The following ADGRL3 variants were observed in gnomAD, a reference collection of about 807,000 sequenced individuals.
ADGRL3 encodes adhesion G protein-coupled receptor L3.
In ADGRL3, 62 loss-of-function variants were observed where a neutral mutation model predicts 153.5. The observed-to-expected ratio is 0.40, with a 90% confidence interval of 0.33 to 0.50. The LOEUF is 0.50. Ranked by LOEUF, ADGRL3 falls within the 20% of genes least tolerant of loss-of-function variation. The pLI is 0.47. For synonymous variants in ADGRL3, 710 were observed against 672.5 expected, an observed-to-expected ratio of 1.06 and a Z score of -0.86; for missense variants, 1,641 against 1,859.4, an observed-to-expected ratio of 0.88 and a Z score of 2.16.
At chr4:61,406,695 A>G (rs920176797) in intron 2 of ADGRL3, among the ~76,000 whole-genome samples, 1 of 152,042 alleles carries the variant, frequency 6.6e-6, no homozygotes, top group Non-Finnish European at 1.5e-5. Context: ...AATATTCCAC[A>G]TTCGTGTTTG....
intron 6 of ADGRL3, among the ~76,000 whole-genome samples, chr4:61,694,179 A>ATTTTT (rs554084495): frequency 1.5e-4 from 4 of 26,708 alleles, no homozygotes; most frequent in African/African-American, 4.5e-4. Flanking sequence ...TTTTGTCATT[A>ATTTTT]TTTTTTTTTT....
At chr4:61,261,825 A>C (rs1390691166) in intron 1 of ADGRL3, among the ~76,000 whole-genome samples, 1 of 152,170 alleles carries the variant, frequency 6.6e-6, no homozygotes, top group South Asian at 2.1e-4. Context: ...TTGACCTCTG[A>C]AAAATGCTAG....
At chr4:61,682,563 A>ATTTTTTT (rs10685495) in intron 6 of ADGRL3, among the ~76,000 whole-genome samples, 2 of 136,224 alleles carry the variant, frequency 1.5e-5, no homozygotes, top group Non-Finnish European at 3.1e-5. Context: ...CTTTAAAAAA[A>ATTTTTTT]TTTTTTTTTT....
intron 2 of ADGRL3, among the ~76,000 whole-genome samples, chr4:61,433,138 T>C (rs897389324): frequency 3.3e-5 from 5 of 152,236 alleles, no homozygotes; most frequent in Non-Finnish European, 5.9e-5. Flanking sequence ...GGGCTCATTA[T>C]ATATAAAGAC....
intron 1 of ADGRL3, among the ~76,000 whole-genome samples, chr4:61,317,488 C>A (rs561586819): frequency 3.9e-5 from 6 of 152,096 alleles, no homozygotes; most frequent in African/African-American, 1.4e-4. Flanking sequence ...AAGGGTTTTA[C>A]AGGAGAGCTG....
chr4:61,739,076 A>G (rs1370551480), intron 8 of ADGRL3, among the ~76,000 whole-genome samples: 3 of 152,244 alleles, frequency 2.0e-5, no homozygotes, highest in South Asian at 4.1e-4. Context: ...TGGTGGAAAC[A>G]TAAATCAGAA....
At chr4:61,841,605 C>CT (rs2098033785) in intron 9 of ADGRL3, among the ~76,000 whole-genome samples, 1 of 152,098 alleles carries the variant, frequency 6.6e-6, no homozygotes, top group East Asian at 1.9e-4. Flanking sequence ...CAAATTCTCT[C>CT]TAAGGAGAAA....
At chr4:61,443,642 C>T (rs768767857) in intron 2 of ADGRL3, among the ~76,000 whole-genome samples, 18 of 151,562 alleles carry the variant, frequency 1.2e-4, no homozygotes, top group Non-Finnish European at 2.5e-4. Flanking sequence ...TTATTTCCTT[C>T]TGAGGCTGGT....
At chr4:61,748,130 A>G (rs1217566255) in intron 8 of ADGRL3, among the ~76,000 whole-genome samples, 39 of 151,546 alleles carry the variant, frequency 2.6e-4, no homozygotes, top group African/African-American at 8.8e-4. Flanking sequence ...AGAATAAAAT[A>G]CCTAGGAATC....
chr4:61,497,823 C>T (rs1351302835), intron 3 of ADGRL3, among the ~76,000 whole-genome samples: 1 of 151,910 alleles, frequency 6.6e-6, no homozygotes, highest in Non-Finnish European at 1.5e-5. Context: ...CGCGCCCAGC[C>T]CATAATGTGT....
intron 8 of ADGRL3, among the ~76,000 whole-genome samples, chr4:61,781,313 A>G (rs1180407996): frequency 2.0e-5 from 3 of 146,584 alleles, no homozygotes; most frequent in Non-Finnish European, 4.4e-5. Context: ...CTGGGCAAAA[A>G]GAGCAAAATT....
intron 15 of ADGRL3, among the ~76,000 whole-genome samples, chr4:61,939,470 T>C (rs2098864352): frequency 6.6e-6 from 1 of 151,088 alleles, no homozygotes; most frequent in Non-Finnish European, 1.5e-5. Flanking sequence ...CCAGTTTTTT[T>C]TTTTCTTTTT....
At chr4:61,439,860 CCTT>C (rs1417249386) in intron 2 of ADGRL3, among the ~76,000 whole-genome samples, 1 of 152,056 alleles carries the variant, frequency 6.6e-6, no homozygotes, top group Non-Finnish European at 1.5e-5. Flanking sequence ...GTAACTCAAT[CCTT>C]CTCTTTTTCC....
chr4:61,831,027 T>C (rs1418301013), intron 9 of ADGRL3, among the ~76,000 whole-genome samples: 4 of 152,104 alleles, frequency 2.6e-5, no homozygotes, highest in African/African-American at 9.7e-5. Context: ...TAGCTGGGAT[T>C]ACAGGCACCT....
chr4:61,220,810 G>C (rs961610397), intron 1 of ADGRL3, among the ~76,000 whole-genome samples: 2 of 152,124 alleles, frequency 1.3e-5, no homozygotes, highest in African/African-American at 4.8e-5. Context: ...CTAGCAATTC[G>C]TGAGATACAA....
rs1290513378 is a variant in ADGRL3, at chr4:61,987,139, AT to A, written c.3236+3540del. On this transcript the variant is annotated intron_variant, in intron 19 of 26. Coordinates refer to ENST00000683033, the MANE Select transcript of ADGRL3 (RefSeq NM_001387552.1). ...ATTTTATTTTATTTTATTTTATTTT[AT>A]TTTATTTTATTTATTTTATTTTATT... Among the ~76,000 whole-genome samples the A allele has an allele frequency of 4.7e-3, 330 of 69,732 alleles. 2 individuals are homozygous for A. Among genetic ancestry groups the A allele is most frequent in the Admixed American group, 5.4e-3 (33 of 6,124 alleles). The allele number at this position is 69,732 out of a possible 152,430, so 45.7% of individuals were successfully genotyped here.
chr4:61,582,867 T>G (rs1185022872), intron 4 of ADGRL3, among the ~76,000 whole-genome samples: 2 of 152,038 alleles, frequency 1.3e-5, no homozygotes, highest in Admixed American at 1.3e-4. Flanking sequence ...CAGTGACCAC[T>G]GATATTCCAA....
intron 1 of ADGRL3, among the ~76,000 whole-genome samples, chr4:61,250,870 T>C (rs1420406720): frequency 6.6e-6 from 1 of 152,164 alleles, no homozygotes; most frequent in Non-Finnish European, 1.5e-5. Flanking sequence ...AATACTCTTT[T>C]TATAGGTTAA....
At chr4:61,341,915 T>C (rs1020856298) in intron 1 of ADGRL3, among the ~76,000 whole-genome samples, 1 of 152,178 alleles carries the variant, frequency 6.6e-6, no homozygotes. Context: ...AATATTTTGT[T>C]AAATATTGCC....
Sources: gnomAD v4.1 joint callset for allele counts (sites outside exome capture counted in the v4.1 genomes callset) on GRCh38, gnomAD v4.1.1 for gene constraint, MANE v1.5 for transcripts, NCBI Gene and HGNC (gene_info 2026-07-23, HGNC 2026-07-21) for gene names.